Variants in RARB observed in about 807,000 individuals in gnomAD.
The protein encoded by RARB is HBV-activated protein.
A neutral mutation model predicts 51.9 loss-of-function variants in RARB; 17 were observed. That is an observed-to-expected ratio of 0.33 (90% CI 0.22 to 0.49). RARB has a LOEUF of 0.49. RARB is among the 20% of genes least tolerant of loss of function. The pLI, the probability that RARB is intolerant of heterozygous loss-of-function variation, is 0.99. For missense variants in RARB, 369 were observed against 550.8 expected (o/e 0.67, Z 3.30); for synonymous variants, 215 against 195.4 (o/e 1.10, Z -0.84).
intron 1 of RARB, chr3:25,441,132 C>G (rs547328863): frequency 6.2e-6 from 1 of 162,044 alleles, no homozygotes; most frequent in African/African-American, 2.4e-5. Context: ...ATAGTGGACT[C>G]CTAAGCACGT....
At chr3:25,246,479 T>G (rs187125046) in intron 5 of RARB, among the ~76,000 whole-genome samples, 23 of 152,306 alleles carry the variant, frequency 1.5e-4, no homozygotes, top group African/African-American at 5.3e-4. Flanking sequence ...TGGTCTTTGC[T>G]CTTGATCTTC....
intron 2 of RARB, among the ~76,000 whole-genome samples, chr3:24,955,151 C>T (rs922121464): frequency 4.6e-5 from 7 of 152,084 alleles, no homozygotes; most frequent in African/African-American, 1.7e-4. Flanking sequence ...TTTTATGAAG[C>T]AGCAGAAGTG....
At chr3:24,946,025 G>A (rs1386339667) in intron 2 of RARB, among the ~76,000 whole-genome samples, 1 of 152,128 alleles carries the variant, frequency 6.6e-6, no homozygotes, top group Admixed American at 6.5e-5. Flanking sequence ...CAGCACTTTG[G>A]GAGGCCGAGG....
intron 3 of RARB, among the ~76,000 whole-genome samples, chr3:25,530,774 T>C (rs1698867846): frequency 6.6e-6 from 1 of 152,228 alleles, no homozygotes. Flanking sequence ...TATTCACAGC[T>C]TCTGGAGATT....
chr3:25,203,366 A>G (rs892403044), intron 5 of RARB, among the ~76,000 whole-genome samples: 1 of 152,118 alleles, frequency 6.6e-6, no homozygotes, highest in Non-Finnish European at 1.5e-5. Context: ...GGACACTGAC[A>G]GGTCTTGACT....
intron 5 of RARB, among the ~76,000 whole-genome samples, chr3:25,342,725 C>T (rs1380314629): frequency 6.6e-6 from 1 of 152,178 alleles, no homozygotes; most frequent in Non-Finnish European, 1.5e-5. Flanking sequence ...ACCTATGATA[C>T]ATTTTTCTGC....
rs1247830923 is a variant in RARB at position 25,259,070 on chromosome 3, T to C, written c.178+84495T>C. 11 of 985,156 alleles carry C rather than the reference T, an allele frequency of 1.1e-5. No individual in the cohort carries two copies. The Admixed American group carries it at 6.2e-4, about 55-fold the overall frequency. The allele number at this position is 985,156 out of a possible 1,614,324, so 61.0% of individuals were successfully genotyped here. Reference sequence around the variant, plus strand: ...CCAGGAATGTGAACATACTTCAGTATGAGAAACAGTACAGCAACCAAAGAA... The same window carrying C: ...CCAGGAATGTGAACATACTTCAGTACGAGAAACAGTACAGCAACCAAAGAA... On this transcript the variant is annotated intron_variant, in intron 5 of 11. Transcript: ENST00000383772.
intron 1 of RARB, among the ~76,000 whole-genome samples, chr3:25,449,814 C>T (rs879461663): frequency 2.0e-5 from 3 of 151,094 alleles, no homozygotes; most frequent in Non-Finnish European, 2.9e-5. Flanking sequence ...TGCAATGGTG[C>T]GATCTCGGCT....
intron 5 of RARB, among the ~76,000 whole-genome samples, chr3:25,174,822 A>T (rs1700712269): frequency 6.6e-6 from 1 of 152,248 alleles, no homozygotes; most frequent in South Asian, 2.1e-4. Flanking sequence ...ATGCAAACAC[A>T]AAAAGTGATG....
At chr3:25,199,273 G>C (rs996177872) in intron 5 of RARB, among the ~76,000 whole-genome samples, 6 of 151,916 alleles carry the variant, frequency 3.9e-5, no homozygotes, top group Non-Finnish European at 8.8e-5. Context: ...GAGAAAGTGA[G>C]TAGAATGACA....
chr3:24,918,707 A>G (rs1437581902), intron 2 of RARB, among the ~76,000 whole-genome samples: 1 of 152,194 alleles, frequency 6.6e-6, no homozygotes, highest in African/African-American at 2.4e-5. Flanking sequence ...ACAGGCCAAC[A>G]TGGTGAAACC....
At chr3:25,090,330 G>C (rs1699174848) in intron 3 of RARB, among the ~76,000 whole-genome samples, 1 of 152,088 alleles carries the variant, frequency 6.6e-6, no homozygotes, top group South Asian at 2.1e-4. Flanking sequence ...TATGCTTCTG[G>C]TGTTCGTTCT....
At chr3:25,308,822 C>G (rs1175716151) in intron 5 of RARB, among the ~76,000 whole-genome samples, 1 of 152,116 alleles carries the variant, frequency 6.6e-6, no homozygotes, top group Non-Finnish European at 1.5e-5. Flanking sequence ...GAATGTTGAG[C>G]TCTTTAGCAA....
intron 5 of RARB, among the ~76,000 whole-genome samples, chr3:25,353,584 AT>A (rs3035062): frequency 0.74 from 106,640 of 144,940 alleles, 39,061 homozygotes; most frequent in East Asian, 0.97. Context: ...TGCTGCTGAG[AT>A]TTTTTTTTTT....
chr3:24,972,170 G>T (rs1304420592), intron 2 of RARB, among the ~76,000 whole-genome samples: 1 of 151,600 alleles, frequency 6.6e-6, no homozygotes, highest in Non-Finnish European at 1.5e-5. Flanking sequence ...CTGGCCTCTC[G>T]TCACCACCAA....
intron 5 of RARB, among the ~76,000 whole-genome samples, chr3:25,420,990 C>CAAAAAAAAAAA (rs376170107): frequency 1.6e-5 from 1 of 62,414 alleles, no homozygotes; most frequent in Non-Finnish European, 3.3e-5. Flanking sequence ...ACCACTTATG[C>CAAAAAAAAAAA]CAAAAAAAAA....
At chr3:25,455,950 A>G (rs1465798065) in intron 1 of RARB, among the ~76,000 whole-genome samples, 1 of 152,260 alleles carries the variant, frequency 6.6e-6, no homozygotes, top group Admixed American at 6.5e-5. Flanking sequence ...AAATCACATC[A>G]GGATGGCTGC....
intron 1 of RARB, among the ~76,000 whole-genome samples, chr3:25,452,878 A>G (rs1186057105): frequency 6.6e-6 from 1 of 152,212 alleles, no homozygotes; most frequent in Non-Finnish European, 1.5e-5. Context: ...AGTAATTACT[A>G]TTAGTTCAGG....
chr3:25,189,896 G>A (rs1701056261), intron 5 of RARB, among the ~76,000 whole-genome samples: 2 of 152,008 alleles, frequency 1.3e-5, no homozygotes, highest in Admixed American at 1.3e-4. Context: ...AAAAGGAACA[G>A]GAAAGAAAGA....
Sources: gnomAD v4.1 joint callset for allele counts (sites outside exome capture counted in the v4.1 genomes callset) on GRCh38, gnomAD v4.1.1 for gene constraint, MANE v1.5 for transcripts, NCBI Gene and HGNC (gene_info 2026-07-23, HGNC 2026-07-21) for gene names.